RABEPK: variants seen among roughly 807,000 people sequenced by gnomAD.
RABEPK encodes Rab9 effector protein with kelch motifs.
RABEPK carries 27 observed loss-of-function variants against 34.1 expected under a neutral mutation model. That is an observed-to-expected ratio of 0.79 (90% CI 0.58 to 1.09). The LOEUF (loss-of-function observed/expected upper bound fraction) is 1.09, where lower values mean the gene tolerates loss of function less well. Among genes scored for constraint, RABEPK ranks in the 50% least tolerant of loss-of-function variants. The probability of loss-of-function intolerance (pLI) is 0.00; values close to 1 mark genes in which losing one functional copy is unlikely to be tolerated. For missense variants in RABEPK, 449 were observed against 462.6 expected (o/e 0.97, Z 0.27); for synonymous variants, 172 against 169.2 (o/e 1.02, Z -0.13).
At chr9:125,229,121 G>A (rs1273349403) in intron 6 of RABEPK, among the ~76,000 whole-genome samples, 2 of 151,660 alleles carry the variant, frequency 1.3e-5, no homozygotes, top group Non-Finnish European at 2.9e-5. Context: ...AGGCGTGGTG[G>A]TGCATGCCTG....
chr9:125,218,164 C>CA (rs1806068081), intron 4 of RABEPK, among the ~76,000 whole-genome samples: 1 of 145,746 alleles, frequency 6.9e-6, no homozygotes, highest in African/African-American at 2.5e-5. Flanking sequence ...AAAAAAAATA[C>CA]AAAAAATTAG....
intron 4 of RABEPK, among the ~76,000 whole-genome samples, chr9:125,216,986 G>T (rs1422996323): frequency 6.6e-6 from 1 of 150,778 alleles, no homozygotes; most frequent in Non-Finnish European, 1.5e-5. Flanking sequence ...AAAAAAAGAA[G>T]AAAGTGATAG....
chr9:125,233,929 G>GA lies in RABEPK; in HGVS notation c.1070dup (p.Asn357LysfsTer8), dbSNP rs773857149. 37 of 1,613,472 alleles carry GA rather than the reference G, an allele frequency of 2.3e-5. No individual in the cohort carries two copies. Among genetic ancestry groups the GA allele is most frequent in the Non-Finnish European group, 2.8e-5 (33 of 1,179,512 alleles). On this transcript the variant is annotated frameshift_variant, in exon 8 of 8. Coordinates refer to ENST00000373538, the MANE Select transcript of RABEPK (RefSeq NM_005833.4). LOFTEE classifies it high-confidence loss of function. ...TGCTCTGTTTGGTGTTTGGTGGGAT[G>GA]AATACAGAAGGGGAAATCTATGACG...
chr9:125,232,245 C>CACAG (rs1554733096), intron 6 of RABEPK, among the ~76,000 whole-genome samples: 23,467 of 149,784 alleles, frequency 0.16, 2,090 homozygotes, highest in Admixed American at 0.25. Context: ...CACACACACA[C>CACAG]AGAGACAGAG....
At chr9:125,207,418 T>A (rs1830293527) in intron 2 of RABEPK, 146 bp from the exon 3 acceptor site, 3 of 819,338 alleles carry the variant, frequency 3.7e-6, no homozygotes, top group Non-Finnish European at 1.9e-6. Flanking sequence ...CTATTATTAA[T>A]CAGAGAAGTG....
chr9:125,234,092 C>A lies in RABEPK; in HGVS notation c.*112C>A. 1 of 1,140,892 alleles carries A rather than the reference C, an allele frequency of 8.8e-7. No individual in the cohort carries two copies. The highest frequency in any genetic ancestry group is 1.3e-6 in the Non-Finnish European group (1 of 794,432). 70.7% of individuals were successfully genotyped at this position (1,140,892 alleles called of 1,614,324 possible). ...GCATTATATATCTGTTTTTCTCCTACTTTGGTAGGTGAAGAAACTAATGCA... is the reference window on the plus strand; with the variant it reads ...GCATTATATATCTGTTTTTCTCCTAATTTGGTAGGTGAAGAAACTAATGCA... On this transcript the variant is annotated 3_prime_UTR_variant, in exon 8 of 8. Coordinates refer to ENST00000373538, the MANE Select transcript of RABEPK (RefSeq NM_005833.4).
intron 3 of RABEPK, among the ~76,000 whole-genome samples, chr9:125,211,401 C>T (rs1830585935): frequency 6.6e-6 from 1 of 151,850 alleles, no homozygotes; most frequent in African/African-American, 2.4e-5. Context: ...CCACCCACCT[C>T]GGCCTCCCCA....
chr9:125,232,774 A>G, intron 7 of RABEPK, 29 bp downstream of exon 7: 1 of 1,589,340 alleles, frequency 6.3e-7, no homozygotes, highest in South Asian at 1.1e-5. Context: ...GGGATCTTTA[A>G]ACAAATCTAA....
intron 4 of RABEPK, among the ~76,000 whole-genome samples, chr9:125,216,383 A>G (rs1830926458): frequency 6.6e-6 from 1 of 151,808 alleles, no homozygotes; most frequent in African/African-American, 2.4e-5. Context: ...CACCTACTAC[A>G]TTTGTTGAGT....
At chr9:125,214,997 C>A (rs1830832991) in intron 4 of RABEPK, among the ~76,000 whole-genome samples, 1 of 151,822 alleles carries the variant, frequency 6.6e-6, no homozygotes, top group Non-Finnish European at 1.5e-5. Flanking sequence ...TCCATGTTAG[C>A]CAGGCTGGTC....
At chr9:125,230,073 C>T (rs1832060975) in intron 6 of RABEPK, among the ~76,000 whole-genome samples, 1 of 152,150 alleles carries the variant, frequency 6.6e-6, no homozygotes, top group African/African-American at 2.4e-5. Context: ...AAGTGATTCT[C>T]CTGCCTCAGC....
intron 4 of RABEPK, among the ~76,000 whole-genome samples, chr9:125,216,882 G>T (rs1830963742): frequency 6.6e-6 from 1 of 151,550 alleles, no homozygotes; most frequent in Non-Finnish European, 1.5e-5. Context: ...CAGGAGAATC[G>T]CTTGAACCTG....
rs1211614800 is a variant in RABEPK, at chr9:125,234,091, A to C, written c.*111A>C. On this transcript the variant is annotated 3_prime_UTR_variant, in exon 8 of 8. Transcript: ENST00000373538. Reference sequence around the variant, plus strand: ...TGCATTATATATCTGTTTTTCTCCTACTTTGGTAGGTGAAGAAACTAATGC... The same window carrying C: ...TGCATTATATATCTGTTTTTCTCCTCCTTTGGTAGGTGAAGAAACTAATGC... The C allele has an allele frequency of 8.7e-7, 1 of 1,155,316 alleles. No individual in the cohort carries two copies. Among genetic ancestry groups the C allele is most frequent in the Non-Finnish European group, 1.2e-6 (1 of 807,584 alleles). The allele number at this position is 1,155,316 out of a possible 1,614,324, so 71.6% of individuals were successfully genotyped here.
intron 3 of RABEPK, among the ~76,000 whole-genome samples, chr9:125,211,543 GT>G (rs1409319783): frequency 1.3e-5 from 2 of 152,156 alleles, no homozygotes; most frequent in African/African-American, 4.8e-5. Flanking sequence ...AAAATCTAAT[GT>G]CAGTAGGCCT....
chr9:125,227,893 T>G lies in RABEPK; in HGVS notation c.527-17T>G, dbSNP rs772495402. 6.6e-7 allele frequency: 1 copy of G among 1,522,550 alleles called. No homozygotes were observed. The highest frequency in any genetic ancestry group is 1.3e-5 in the South Asian group (1 of 79,368). 94.3% of individuals were successfully genotyped at this position (1,522,550 alleles called of 1,614,324 possible). On this transcript the variant is annotated splice_polypyrimidine_tract_variant and intron_variant, in intron 5 of 7. Coordinates refer to ENST00000373538, the MANE Select transcript of RABEPK (RefSeq NM_005833.4). Reference sequence around the variant, plus strand: ...TAATAGTTTTGCCATTTGATGTTATTGAATTTACTTTTCTAGACACTCTGA... The same window carrying G: ...TAATAGTTTTGCCATTTGATGTTATGGAATTTACTTTTCTAGACACTCTGA...
intron 5 of RABEPK, chr9:125,221,958 G>A (rs1315748498): frequency 2.0e-5 from 3 of 151,952 alleles, no homozygotes; most frequent in African/African-American, 7.3e-5. Flanking sequence ...TTACAGGCTT[G>A]AGCCACTGCA....
At chr9:125,211,951 A>G (rs1405656226) in intron 3 of RABEPK, among the ~76,000 whole-genome samples, 1 of 152,170 alleles carries the variant, frequency 6.6e-6, no homozygotes, top group Non-Finnish European at 1.5e-5. Context: ...CCTGGGCAAC[A>G]GAGCAAGACT....
In RABEPK at chr9:125,233,851, C is replaced by CA; in HGVS notation, c.993dup (p.Val332SerfsTer7). 6 of 1,614,132 alleles carry CA rather than the reference C, an allele frequency of 3.7e-6. No individual in the cohort carries two copies. Among genetic ancestry groups the CA allele is most frequent in the Non-Finnish European group, 5.1e-6 (6 of 1,180,032 alleles). ...AAGCTGAGAAAGAGGATTCAGCTGA[C>CA]AAAGTAATGAGCCACAGTGGTGACT... is the stretch of plus-strand genomic sequence containing the variant. On this transcript the variant is annotated frameshift_variant, in exon 8 of 8. Coordinates refer to ENST00000373538, the MANE Select transcript of RABEPK (RefSeq NM_005833.4). LOFTEE classifies it high-confidence loss of function.
At chr9:125,204,260 G>C (rs1327723812) in intron 2 of RABEPK, among the ~76,000 whole-genome samples, 1 of 151,718 alleles carries the variant, frequency 6.6e-6, no homozygotes, top group East Asian at 1.9e-4. Flanking sequence ...GGGCGACAGA[G>C]CGAGACTCCA....
Sources: allele counts gnomAD v4.1 joint callset (sites outside exome capture counted in the v4.1 genomes callset), GRCh38; gene constraint gnomAD v4.1.1; transcripts MANE v1.5; gene names NCBI Gene and HGNC (gene_info 2026-07-23, HGNC 2026-07-21).